NUDCD1: variants seen among roughly 807,000 people sequenced by gnomAD.
NUDCD1 encodes NudC domain containing 1.
A neutral mutation model predicts 67.8 loss-of-function variants in NUDCD1; 60 were observed. The ratio of observed to expected loss-of-function variants is 0.88; its 90% CI spans 0.72 to 1.10. The LOEUF (loss-of-function observed/expected upper bound fraction) is 1.10. Among genes scored for constraint, NUDCD1 ranks in the 50% least tolerant of loss-of-function variants. The pLI, the probability that NUDCD1 is intolerant of heterozygous loss-of-function variation, is 0.00. For missense variants in NUDCD1, 643 were observed against 695.0 expected, an observed-to-expected ratio of 0.93 and a Z score of 0.84; for synonymous variants, 244 against 230.8, an observed-to-expected ratio of 1.06 and a Z score of -0.52.
At chr8:109,329,757 T>C (rs1382396580) in intron 1 of NUDCD1, 1 of 1,502,186 alleles carries the variant, frequency 6.7e-7, no homozygotes, top group Admixed American at 2.1e-5. Flanking sequence ...GTCAATTATG[T>C]CTTCATAAAG....
chr8:109,242,981 G>A lies in NUDCD1; in HGVS notation c.*28C>T, dbSNP rs764515913. On this transcript the variant is annotated 3_prime_UTR_variant, in exon 10 of 10. Transcript: ENST00000239690. ...CCAGGTACCACTGAATACTTTTCCA[G>A]TACAAAGAGGCCAATATGTTAGAAT... 6.7e-7 allele frequency: 1 copy of A among 1,486,812 alleles called. No individual in the cohort carries two copies. Among genetic ancestry groups the A allele is most frequent in the South Asian group, 1.2e-5 (1 of 83,096 alleles). 92.1% of individuals were successfully genotyped at this position (1,486,812 alleles called of 1,614,324 possible).
chr8:109,281,203 T>C (rs1315026812), intron 5 of NUDCD1, 31 bp from the exon 6 acceptor site: 1 of 1,446,012 alleles, frequency 6.9e-7, no homozygotes, highest in Non-Finnish European at 9.6e-7. Flanking sequence ...CATCATGTAA[T>C]AAAAAATTAG....
chr8:109,275,597 C>T, intron 6 of NUDCD1, 101 bp from the exon 7 acceptor site: 1 of 1,102,718 alleles, frequency 9.1e-7, no homozygotes, highest in Non-Finnish European at 1.3e-6. Flanking sequence ...TAGAAAGAAC[C>T]CTCCGGTGTC....
At chr8:109,302,914 C>A (rs747439995) in intron 2 of NUDCD1, among the ~76,000 whole-genome samples, 1 of 152,152 alleles carries the variant, frequency 6.6e-6, no homozygotes, top group African/African-American at 2.4e-5. Context: ...CACAACAGGA[C>A]TTAAATGACC....
intron 5 of NUDCD1, among the ~76,000 whole-genome samples, chr8:109,283,989 T>TAAAAAAAAAAAAAAA (rs58089818): frequency 1.5e-5 from 2 of 133,152 alleles, no homozygotes; most frequent in African/African-American, 2.9e-5. Flanking sequence ...AAAGCTGGAT[T>TAAAAAAAAAAAAAAA]AAAAAAAAAA....
intron 2 of NUDCD1, among the ~76,000 whole-genome samples, chr8:109,314,113 C>T (rs1815329256): frequency 6.6e-6 from 1 of 152,174 alleles, no homozygotes; most frequent in Non-Finnish European, 1.5e-5. Flanking sequence ...CCTCTATTGA[C>T]AATTTCACTA....
intron 1 of NUDCD1, among the ~76,000 whole-genome samples, chr8:109,322,764 T>A (rs1815571898): frequency 6.6e-6 from 1 of 151,480 alleles, no homozygotes; most frequent in Admixed American, 6.6e-5. Context: ...TGAATAAAAA[T>A]AACAGAAATT....
At chr8:109,333,751 A>G in intron 1 of NUDCD1, 142 bp downstream of exon 1, 1 of 866,604 alleles carries the variant, frequency 1.2e-6, no homozygotes, top group Non-Finnish European at 1.8e-6. Flanking sequence ...ATTCCCCAGA[A>G]GCAGCGGCCT....
intron 8 of NUDCD1, among the ~76,000 whole-genome samples, chr8:109,253,883 T>A (rs1378225133): frequency 6.6e-6 from 1 of 152,094 alleles, no homozygotes. Context: ...GGATATTGCA[T>A]CATAATTTGA....
intron 1 of NUDCD1, among the ~76,000 whole-genome samples, chr8:109,330,131 A>C (rs984768706): frequency 6.6e-6 from 1 of 152,380 alleles, no homozygotes; most frequent in Admixed American, 6.5e-5. Context: ...AAGGATATTT[A>C]TAAATGCCTA....
intron 2 of NUDCD1, among the ~76,000 whole-genome samples, chr8:109,309,866 C>CA (rs201149659): frequency 3.1e-4 from 41 of 130,846 alleles, no homozygotes; most frequent in East Asian, 1.6e-3. Flanking sequence ...CAATAGCTGC[C>CA]AAAAAAAAAA....
intron 8 of NUDCD1, among the ~76,000 whole-genome samples, chr8:109,269,529 A>G (rs1814090413): frequency 6.6e-6 from 1 of 152,196 alleles, no homozygotes; most frequent in South Asian, 2.1e-4. Context: ...CAGACCTGGT[A>G]AGCCAGCTTC....
intron 3 of NUDCD1, among the ~76,000 whole-genome samples, chr8:109,293,748 T>C (rs532999186): frequency 1.3e-5 from 2 of 152,188 alleles, no homozygotes; most frequent in East Asian, 3.9e-4. Context: ...AGAAAAAAAC[T>C]GATCATTAGT....
chr8:109,257,636 A>G (rs145187043), intron 8 of NUDCD1, among the ~76,000 whole-genome samples: 3,500 of 152,216 alleles, frequency 0.023, 57 homozygotes, highest in Middle Eastern at 0.093. Context: ...GGAAAAAAAA[A>G]TCAAGACTAA....
At chr8:109,260,992 G>T (rs1184375135) in intron 8 of NUDCD1, among the ~76,000 whole-genome samples, 1 of 152,186 alleles carries the variant, frequency 6.6e-6, no homozygotes, top group African/African-American at 2.4e-5. Context: ...ATTAAAAGTG[G>T]TGACAGGTAA....
chr8:109,281,456 TC>T (rs1312527300), intron 5 of NUDCD1, among the ~76,000 whole-genome samples: 1 of 151,934 alleles, frequency 6.6e-6, no homozygotes, highest in Non-Finnish European at 1.5e-5. Flanking sequence ...CCTCTCTCCC[TC>T]CCTTCCTCCC....
chr8:109,311,559 G>GTGTGTATATA, intron 2 of NUDCD1, among the ~76,000 whole-genome samples: 3 of 125,166 alleles, frequency 2.4e-5, no homozygotes, highest in African/African-American at 3.5e-5. Context: ...AAACTGTGGT[G>GTGTGTATATA]TATATATATA....
intron 5 of NUDCD1, among the ~76,000 whole-genome samples, chr8:109,287,956 T>C (rs1814615005): frequency 6.6e-6 from 1 of 152,144 alleles, no homozygotes. Context: ...CCTTTAGAGA[T>C]TGTGTTTTAG....
At chr8:109,277,627 T>C (rs904729179) in intron 6 of NUDCD1, among the ~76,000 whole-genome samples, 23 of 152,306 alleles carry the variant, frequency 1.5e-4, no homozygotes, top group Middle Eastern at 3.4e-3. Flanking sequence ...CTACGCTACA[T>C]TGTAGTTATC....
Sources: gnomAD v4.1 joint callset for allele counts (sites outside exome capture counted in the v4.1 genomes callset) on GRCh38, gnomAD v4.1.1 for gene constraint, MANE v1.5 for transcripts, NCBI Gene and HGNC (gene_info 2026-07-23, HGNC 2026-07-21) for gene names.